Variants in SLC35F1 observed in about 807,000 individuals in gnomAD.
SLC35F1 encodes the protein solute carrier family 35 member F1.
Under a neutral mutation model 48.7 loss-of-function variants are expected in SLC35F1, and 14 were observed. The ratio of observed to expected loss-of-function variants is 0.29; its 90% CI spans 0.19 to 0.45. The LOEUF (loss-of-function observed/expected upper bound fraction) is 0.45. SLC35F1 is among the 20% of genes least tolerant of loss of function. The probability of loss-of-function intolerance (pLI) is 1.00; values close to 1 mark genes in which losing one functional copy is unlikely to be tolerated. For synonymous variants in SLC35F1, 190 were observed against 202.2 expected, an observed-to-expected ratio of 0.94 and a Z score of 0.51; for missense variants, 404 against 500.0, an observed-to-expected ratio of 0.81 and a Z score of 1.83.
intron 3 of SLC35F1, among the ~76,000 whole-genome samples, chr6:118,250,258 C>G (rs907864797): frequency 6.6e-6 from 1 of 152,158 alleles, no homozygotes; most frequent in Non-Finnish European, 1.5e-5. Flanking sequence ...ACTGACGTAA[C>G]TAATTTTACT....
chr6:118,313,900 G>T, intron 7 of SLC35F1, 128 bp from the exon 8 acceptor site: 1 of 779,138 alleles, frequency 1.3e-6, no homozygotes, highest in South Asian at 1.6e-5. Context: ...TCCATCAACG[G>T]TGTTGGCCAA....
intron 4 of SLC35F1, among the ~76,000 whole-genome samples, chr6:118,273,092 A>G (rs1055827023): frequency 2.0e-5 from 3 of 150,626 alleles, no homozygotes; most frequent in Admixed American, 2.0e-4. Flanking sequence ...TTTGTTAGTG[A>G]TAACTTAGAA....
At chr6:118,146,355 C>G (rs1206527043) in intron 1 of SLC35F1, among the ~76,000 whole-genome samples, 2 of 152,122 alleles carry the variant, frequency 1.3e-5, no homozygotes, top group Non-Finnish European at 2.9e-5. Flanking sequence ...CTTTAAATTC[C>G]TCTGTGCTTA....
intron 1 of SLC35F1, among the ~76,000 whole-genome samples, chr6:118,053,068 A>G (rs974658176): frequency 6.6e-6 from 1 of 151,866 alleles, no homozygotes; most frequent in African/African-American, 2.4e-5. Context: ...TACTGTGAAG[A>G]GCCTCATTTT....
At chr6:118,176,937 T>C (rs1363773674) in intron 2 of SLC35F1, among the ~76,000 whole-genome samples, 4 of 152,048 alleles carry the variant, frequency 2.6e-5, no homozygotes, top group East Asian at 1.9e-4. Context: ...AAGGGATCAA[T>C]TGATTTTCTT....
chr6:117,941,648 T>C (rs1776234590), intron 1 of SLC35F1, among the ~76,000 whole-genome samples: 1 of 152,240 alleles, frequency 6.6e-6, no homozygotes, highest in Admixed American at 6.5e-5. Flanking sequence ...AGATTATTGA[T>C]TTGGTTACTA....
intron 3 of SLC35F1, among the ~76,000 whole-genome samples, chr6:118,252,734 G>A (rs1342839796): frequency 1.3e-5 from 2 of 152,162 alleles, no homozygotes; most frequent in Non-Finnish European, 2.9e-5. Context: ...CTGAGCCATG[G>A]AGCACATTCA....
intron 1 of SLC35F1, among the ~76,000 whole-genome samples, chr6:117,922,417 A>T (rs549441301): frequency 6.6e-6 from 1 of 152,350 alleles, no homozygotes; most frequent in East Asian, 1.9e-4. Flanking sequence ...TATCATTTGC[A>T]TGTTACTTTA....
chr6:118,160,246 A>G (rs1285255274), intron 2 of SLC35F1, among the ~76,000 whole-genome samples: 2 of 152,178 alleles, frequency 1.3e-5, no homozygotes, highest in Admixed American at 6.5e-5. Flanking sequence ...AACAACTTCA[A>G]TATTCTTGGT....
At chr6:118,197,239 C>G (rs982277689) in intron 2 of SLC35F1, among the ~76,000 whole-genome samples, 1 of 152,000 alleles carries the variant, frequency 6.6e-6, no homozygotes, top group African/African-American at 2.4e-5. Flanking sequence ...TTCCATCTCT[C>G]CCTTCCTTCA....
intron 7 of SLC35F1, among the ~76,000 whole-genome samples, chr6:118,288,627 C>A (rs406031): frequency 6.6e-6 from 1 of 151,962 alleles, no homozygotes; most frequent in South Asian, 2.1e-4. Context: ...TGTTTCTTAT[C>A]GTATTTAAGG....
At chr6:118,263,543 A>G (rs780696861) in intron 3 of SLC35F1, among the ~76,000 whole-genome samples, 15 of 152,316 alleles carry the variant, frequency 9.8e-5, no homozygotes, top group Non-Finnish European at 1.8e-4. Flanking sequence ...GATTTTTCAG[A>G]GCATAAGATG....
intron 2 of SLC35F1, among the ~76,000 whole-genome samples, chr6:118,186,410 C>T (rs1774657833): frequency 1.3e-5 from 2 of 149,410 alleles, no homozygotes; most frequent in African/African-American, 2.5e-5. Context: ...GTGCACAGTT[C>T]CAGGGTAACA....
At chr6:118,195,335 A>G (rs205928) in intron 2 of SLC35F1, among the ~76,000 whole-genome samples, 11,782 of 152,204 alleles carry the variant, frequency 0.077, 1,085 homozygotes, top group African/African-American at 0.22. Context: ...TATCCAGAAC[A>G]TTCCACTGTA....
chr6:118,222,509 G>T (rs1775164808), intron 2 of SLC35F1, among the ~76,000 whole-genome samples: 1 of 151,534 alleles, frequency 6.6e-6, no homozygotes, highest in Non-Finnish European at 1.5e-5. Context: ...TTATTGGGGG[G>T]TATAAAAATA....
chr6:118,128,062 G>T (rs1226354754), intron 1 of SLC35F1, among the ~76,000 whole-genome samples: 1 of 148,964 alleles, frequency 6.7e-6, no homozygotes, highest in Non-Finnish European at 1.5e-5. Flanking sequence ...ATGAAAAAAT[G>T]CTCATCATCA....
At chr6:118,030,168 T>A (rs1772025353) in intron 1 of SLC35F1, among the ~76,000 whole-genome samples, 1 of 152,172 alleles carries the variant, frequency 6.6e-6, no homozygotes, top group African/African-American at 2.4e-5. Context: ...AAGTTGCTGG[T>A]TAGAGCAGCC....
chr6:118,139,438 T>A (rs1280263646), intron 1 of SLC35F1, among the ~76,000 whole-genome samples: 1 of 152,204 alleles, frequency 6.6e-6, no homozygotes, highest in Non-Finnish European at 1.5e-5. Flanking sequence ...TTATGGATAG[T>A]TCAAAATACT....
At chr6:118,265,624 G>A (rs1343263852) in intron 3 of SLC35F1, among the ~76,000 whole-genome samples, 1 of 152,230 alleles carries the variant, frequency 6.6e-6, no homozygotes, top group Non-Finnish European at 1.5e-5. Context: ...CCATGTAGCA[G>A]AGGATGTTAG....
Sources: gnomAD v4.1 joint callset for allele counts (sites outside exome capture counted in the v4.1 genomes callset) on GRCh38, gnomAD v4.1.1 for gene constraint, MANE v1.5 for transcripts, NCBI Gene and HGNC (gene_info 2026-07-23, HGNC 2026-07-21) for gene names.